The following SERPINB8 variants were observed in gnomAD, a reference collection of about 807,000 sequenced individuals.
SERPINB8 encodes the protein serpin B8.
SERPINB8 carries 25 observed loss-of-function variants against 35.3 expected under a neutral mutation model. The observed-to-expected ratio is 0.71, with a 90% CI of 0.52 to 0.99. The LOEUF (loss-of-function observed/expected upper bound fraction) is 0.99, where lower values mean the gene tolerates loss of function less well. Among genes scored for constraint, SERPINB8 ranks in the 50% least tolerant of loss-of-function variants. The pLI, the probability that SERPINB8 is intolerant of heterozygous loss-of-function variation, is 0.00. For missense variants in SERPINB8, 484 were observed against 446.5 expected (o/e 1.08, Z -0.76); for synonymous variants, 186 against 160.8 (o/e 1.16, Z -1.19).
chr18:63,995,871 C>A (rs1203784278), intron 1 of SERPINB8, among the ~76,000 whole-genome samples: 1 of 152,162 alleles, frequency 6.6e-6, no homozygotes, highest in Non-Finnish European at 1.5e-5. Flanking sequence ...AGTCTCAAAT[C>A]CATCTCCCTG....
chr18:63,971,363 G>A (rs1236622459), intron 1 of SERPINB8, among the ~76,000 whole-genome samples: 1 of 152,138 alleles, frequency 6.6e-6, no homozygotes, highest in African/African-American at 2.4e-5. Context: ...ACTCATCCCC[G>A]TCCCTAACTG....
At chr18:64,007,818 C>T (rs2050907391), downstream of SERPINB8, among the ~76,000 whole-genome samples, 1 of 152,078 alleles carries the variant, frequency 6.6e-6, no homozygotes. Context: ...CCCACCAGGC[C>T]CCACCTCCAA....
In SERPINB8 at chr18:63,984,321, T is replaced by A. The variant is rs369649747; in HGVS notation, c.567+600T>A. On this transcript the variant is annotated intron_variant, in intron 5 of 6. Transcript: ENST00000397985. The stretch of plus-strand genomic sequence containing the variant: ...GAATTTCTTCTAAGCCTTGGAATTA[T>A]GTTTGCATGATGCTATTACTCTCTG... Among the ~76,000 whole-genome samples the A allele has an allele frequency of 4.6e-5, 7 of 152,380 alleles. 1 individual carries two copies. Among genetic ancestry groups the A allele is most frequent in the African/African-American group, 1.7e-4 (7 of 41,590 alleles).
chr18:64,002,866 GC>G (rs2050882662), intron 1 of SERPINB8, among the ~76,000 whole-genome samples: 1 of 152,066 alleles, frequency 6.6e-6, no homozygotes, highest in Admixed American at 6.5e-5. Context: ...GGTCGCCGCC[GC>G]CTGCGGTCGT....
At chr18:64,008,552 T>G (rs1194377193), downstream of SERPINB8, among the ~76,000 whole-genome samples, 3 of 151,984 alleles carry the variant, frequency 2.0e-5, no homozygotes, top group Non-Finnish European at 4.4e-5. Context: ...CCTGGCCCAT[T>G]ACTCTTATTC....
downstream of SERPINB8, among the ~76,000 whole-genome samples, chr18:63,989,715 G>A (rs1042488360): frequency 2.6e-5 from 4 of 151,898 alleles, no homozygotes; most frequent in African/African-American, 7.3e-5. Context: ...AGGCCGAGGC[G>A]GGCGGATCAC....
intron 5 of SERPINB8, 116 bp downstream of exon 5, chr18:63,983,837 AATTAT>A (rs769701283): frequency 1.5e-5 from 11 of 744,946 alleles, no homozygotes; most frequent in Non-Finnish European, 1.9e-5. Flanking sequence ...TCTATTTCTG[AATTAT>A]ATTATATTAT....
intron 7 of SERPINB8, among the ~76,000 whole-genome samples, chr18:64,016,476 G>A (rs944203013): frequency 1.3e-5 from 2 of 151,896 alleles, no homozygotes. Context: ...TTTTGTTTAG[G>A]TAGAGAGAAA....
At chr18:63,976,475 A>T (rs1330419815) in intron 1 of SERPINB8, among the ~76,000 whole-genome samples, 1 of 152,332 alleles carries the variant, frequency 6.6e-6, no homozygotes, top group Admixed American at 6.5e-5. Context: ...ATCTTTCTTG[A>T]TGATTACATT....
chr18:63,997,092 TA>T (rs36052134), intron 1 of SERPINB8, among the ~76,000 whole-genome samples: 45,476 of 152,066 alleles, frequency 0.3, 8,380 homozygotes, highest in African/African-American at 0.53. Flanking sequence ...AGTAGAAAAA[TA>T]ACATCAGACA....
chr18:64,012,810 G>A (rs1000178750), intron 7 of SERPINB8, among the ~76,000 whole-genome samples: 6 of 152,012 alleles, frequency 3.9e-5, no homozygotes, highest in African/African-American at 9.7e-5. Context: ...GCTGGTTTAC[G>A]TAATCTCTAC....
intron 6 of SERPINB8, chr18:63,986,110 A>G: frequency 1.4e-6 from 1 of 704,774 alleles, no homozygotes; most frequent in South Asian, 2.1e-5. Context: ...CACTTATGAG[A>G]AAATTAGGAG....
At chr18:64,002,366 C>A (rs2050879631) in intron 1 of SERPINB8, among the ~76,000 whole-genome samples, 1 of 152,090 alleles carries the variant, frequency 6.6e-6, no homozygotes, top group African/African-American at 2.4e-5. Flanking sequence ...GAAATAAAGA[C>A]CCAAGGCTCC....
chr18:64,000,360 T>G (rs1308338782), intron 1 of SERPINB8, among the ~76,000 whole-genome samples: 2 of 151,994 alleles, frequency 1.3e-5, no homozygotes, highest in African/African-American at 4.8e-5. Context: ...GATAGGGTAG[T>G]CTTTGCTTCT....
intron 6 of SERPINB8, 132 bp from the exon 7 acceptor site, chr18:63,986,742 A>C (rs2050760973): frequency 7.1e-7 from 1 of 1,406,890 alleles, no homozygotes; most frequent in Non-Finnish European, 9.4e-7. Context: ...TATAAAAGAA[A>C]ATATCTGTAG....
chr18:63,984,179 A>G (rs948239857), intron 5 of SERPINB8, among the ~76,000 whole-genome samples: 1 of 152,220 alleles, frequency 6.6e-6, no homozygotes, highest in Admixed American at 6.5e-5. Flanking sequence ...CCTCCTGTGT[A>G]TCTTTAATGG....
downstream of SERPINB8, among the ~76,000 whole-genome samples, chr18:63,989,887 G>T (rs1420397408): frequency 7.7e-6 from 1 of 130,116 alleles, no homozygotes; most frequent in Admixed American, 8.3e-5. Flanking sequence ...AGCTTGCAGT[G>T]AGCCGAGATC....
intron 1 of SERPINB8, among the ~76,000 whole-genome samples, chr18:63,970,876 G>T (rs1482947738): frequency 2.6e-5 from 4 of 152,034 alleles, no homozygotes; most frequent in Non-Finnish European, 5.9e-5. Context: ...AATGGGATGG[G>T]GTTGGGGGTG....
At chr18:63,974,134 T>TTTC (rs1229485838) in intron 1 of SERPINB8, among the ~76,000 whole-genome samples, 1 of 152,010 alleles carries the variant, frequency 6.6e-6, no homozygotes, top group African/African-American at 2.4e-5. Context: ...CTGTAGAGGT[T>TTTC]TTCTTCTTAT....
Sources: gnomAD v4.1 joint callset for allele counts (sites outside exome capture counted in the v4.1 genomes callset) on GRCh38, gnomAD v4.1.1 for gene constraint, MANE v1.5 for transcripts, NCBI Gene and HGNC (gene_info 2026-07-23, HGNC 2026-07-21) for gene names.